LOC122539214: variants seen among roughly 807,000 people sequenced by gnomAD.
chr19:52,669,812 G>A, the LOC122539214 span, among the ~76,000 whole-genome samples: 1 of 152,160 alleles, frequency 6.6e-6, no homozygotes, highest in East Asian at 1.9e-4. Context: ...GGTTGGTGCA[G>A]AGGCTCATAA....
chr19:52,657,994 G>T, the LOC122539214 span, among the ~76,000 whole-genome samples: 11 of 151,804 alleles, frequency 7.2e-5, no homozygotes, highest in African/African-American at 2.4e-4. Context: ...AAATTAGCCG[G>T]GTATGGTGAT....
chr19:52,666,096 G>A, the LOC122539214 span, among the ~76,000 whole-genome samples: 3 of 151,034 alleles, frequency 2.0e-5, no homozygotes, highest in Non-Finnish European at 4.4e-5. Context: ...CCCGGGAGGC[G>A]GAGCTTGCAG....
the LOC122539214 span, among the ~76,000 whole-genome samples, chr19:52,685,160 C>T: frequency 2.0e-5 from 3 of 152,192 alleles, no homozygotes; most frequent in South Asian, 2.1e-4. Context: ...CACCCAGACA[C>T]CCACTCTATT....
chr19:52,682,787 G>A, the LOC122539214 span, among the ~76,000 whole-genome samples: 1 of 152,140 alleles, frequency 6.6e-6, no homozygotes, highest in Non-Finnish European at 1.5e-5. Context: ...GGGATCACTT[G>A]AGCCCAGGAG....
the LOC122539214 span, chr19:52,655,711 CAA>C: frequency 5.4e-6 from 5 of 920,626 alleles, no homozygotes; most frequent in East Asian, 1.2e-4. Context: ...CACATTTCAA[CAA>C]AACATTAGGG....
chr19:52,666,990 C>G, the LOC122539214 span, among the ~76,000 whole-genome samples: 9 of 152,256 alleles, frequency 5.9e-5, no homozygotes, highest in African/African-American at 2.2e-4. Context: ...AAAGTAGTTA[C>G]AGAATCAGGA....
At chr19:52,672,870 A>G in the LOC122539214 span, among the ~76,000 whole-genome samples, 7 of 152,136 alleles carry the variant, frequency 4.6e-5, no homozygotes, top group African/African-American at 1.7e-4. Flanking sequence ...GCCACCGTGC[A>G]TGGCAAAAAA....
the LOC122539214 span, among the ~76,000 whole-genome samples, chr19:52,686,555 C>T: frequency 1.3e-5 from 2 of 150,892 alleles, no homozygotes; most frequent in African/African-American, 4.9e-5. Flanking sequence ...CTTTTGATAC[C>T]CCTTTTATTT....
chr19:52,652,038 C>G, the LOC122539214 span: 1 of 231,480 alleles, frequency 4.3e-6, no homozygotes, highest in South Asian at 6.7e-5. Context: ...TTCTACTGTT[C>G]TGCAAGGAGT....
the LOC122539214 span, chr19:52,655,352 C>G: frequency 0.013 from 6,480 of 485,672 alleles, 64 homozygotes; most frequent in Non-Finnish European, 0.018. Flanking sequence ...TCAAAGTGTT[C>G]ATGAATGTTC....
chr19:52,681,851 A>G, the LOC122539214 span, among the ~76,000 whole-genome samples: 1 of 152,094 alleles, frequency 6.6e-6, no homozygotes, highest in Non-Finnish European at 1.5e-5. Context: ...AATCCTTCTT[A>G]CTATTTTTCC....
the LOC122539214 span, among the ~76,000 whole-genome samples, chr19:52,674,492 T>G: frequency 6.6e-6 from 1 of 152,182 alleles, no homozygotes; most frequent in African/African-American, 2.4e-5. Context: ...ATTTTATTTG[T>G]TTGTAGATGA....
the LOC122539214 span, among the ~76,000 whole-genome samples, chr19:52,679,555 G>C: frequency 6.6e-6 from 1 of 152,180 alleles, no homozygotes; most frequent in Non-Finnish European, 1.5e-5. Flanking sequence ...AGGTTGCAAT[G>C]AGCACAGATT....
the LOC122539214 span, among the ~76,000 whole-genome samples, chr19:52,675,333 G>A: frequency 1.3e-5 from 2 of 152,200 alleles, no homozygotes; most frequent in African/African-American, 4.8e-5. Flanking sequence ...ATGTACTTAA[G>A]CACAATAGTA....
chr19:52,652,503 G>A, the LOC122539214 span: 11 of 448,382 alleles, frequency 2.5e-5, no homozygotes, highest in South Asian at 1.7e-4. Context: ...GAATTCTCCT[G>A]TGTTTTGCAT....
chr19:52,679,081 C>T, the LOC122539214 span, among the ~76,000 whole-genome samples: 3 of 152,106 alleles, frequency 2.0e-5, no homozygotes, highest in Admixed American at 2.0e-4. Context: ...GTTGATTCTA[C>T]AACAAATTGA....
At chr19:52,677,369 C>T in the LOC122539214 span, among the ~76,000 whole-genome samples, 1 of 150,352 alleles carries the variant, frequency 6.7e-6, no homozygotes, top group East Asian at 2.0e-4. Flanking sequence ...GCCTGTAATC[C>T]CAGCTACTCA....
chr19:52,653,919 G>A, the LOC122539214 span, among the ~76,000 whole-genome samples: 9 of 152,186 alleles, frequency 5.9e-5, no homozygotes, highest in South Asian at 2.1e-4. Context: ...TTTCTCTCAT[G>A]TGTTCTTCCT....
chr19:52,680,603 AATATTTTTTTTT>A, the LOC122539214 span, among the ~76,000 whole-genome samples: 1 of 101,640 alleles, frequency 9.8e-6, no homozygotes, highest in Non-Finnish European at 2.3e-5. Flanking sequence ...TTTTCCACAA[AATATTTTTTTTT>A]TTTTTTTTTT....
Sources: allele counts gnomAD v4.1 joint callset (sites outside exome capture counted in the v4.1 genomes callset), GRCh38; gene constraint gnomAD v4.1.1; transcripts MANE v1.5.